The following SASH1 variants were observed in gnomAD, a reference collection of about 807,000 sequenced individuals.
SASH1 encodes SAM and SH3 domain-containing protein 1.
Under a neutral mutation model 125.2 loss-of-function variants are expected in SASH1, and 44 were observed. The observed-to-expected ratio is 0.35, with a 90% confidence interval of 0.28 to 0.45. The LOEUF is 0.45. Ranked by LOEUF, SASH1 falls within the 20% of genes least tolerant of loss-of-function variation. The pLI is 1.00. For synonymous variants in SASH1, 639 were observed against 649.1 expected (o/e 0.98, Z 0.24); for missense variants, 1,426 against 1,614.5 (o/e 0.88, Z 2.00).
intron 2 of SASH1, among the ~76,000 whole-genome samples, chr6:148,416,777 T>G (rs1319949556): frequency 6.6e-6 from 1 of 152,202 alleles, no homozygotes; most frequent in Non-Finnish European, 1.5e-5. Context: ...TGAGATTCAT[T>G]ACCATTCTTA....
At chr6:148,358,211 T>TGA (rs1782022066) in intron 1 of SASH1, among the ~76,000 whole-genome samples, 1 of 152,114 alleles carries the variant, frequency 6.6e-6, no homozygotes, top group East Asian at 1.9e-4. Context: ...TTGAGTATGT[T>TGA]CTATTTCAAG....
the SASH1 span, among the ~76,000 whole-genome samples, chr6:148,255,785 G>A: frequency 1.3e-5 from 2 of 152,072 alleles, no homozygotes; most frequent in African/African-American, 2.4e-5. Flanking sequence ...TGGGACTACA[G>A]GTGTGTGCCA....
rs569925507 is a variant in SASH1, at chr6:148,497,231, C to T, written c.729+9516C>T. On this transcript the variant is annotated intron_variant, in intron 8 of 19. Transcript: ENST00000367467. ...GGTTTTGAGAAATGCCCGTTTTGTT[C>T]CGTCTGGTTATAAGCTGCCCAGGAG... is the stretch of plus-strand genomic sequence containing the variant. 1.4e-4 allele frequency among the ~76,000 whole-genome samples: 21 copies of T among 152,292 alleles called. 1 individual carries two copies. The South Asian group carries it at 4.4e-3, about 32-fold the overall frequency.
At chr6:148,302,157 T>C (rs1475488091) in intron 1 of SASH1, among the ~76,000 whole-genome samples, 3 of 148,280 alleles carry the variant, frequency 2.0e-5, no homozygotes, top group Non-Finnish European at 3.0e-5. Flanking sequence ...CTACTAAAAA[T>C]ACAAAAAATT....
chr6:148,487,088 T>TACACACACACACAC lies in SASH1; in HGVS notation c.628-525_628-524insCACACACACACACA, dbSNP rs757099589. Among the ~76,000 whole-genome samples, 293 of 101,692 alleles carry TACACACACACACAC rather than the reference T, an allele frequency of 2.9e-3. 3 individuals carry two copies. Among genetic ancestry groups the TACACACACACACAC allele is most frequent in the African/African-American group, 0.011 (263 of 24,036 alleles). 66.7% of individuals were successfully genotyped at this position (101,692 alleles called of 152,430 possible). A position where few individuals can be genotyped will look rare whatever the true frequency, so the allele number is the denominator to read the frequency against. On this transcript the variant is annotated intron_variant, in intron 7 of 19. Coordinates refer to ENST00000367467, the MANE Select transcript of SASH1 (RefSeq NM_015278.5). Reference sequence around the variant, plus strand: ...AACAAATATATATATATAACACATATATATACACACACACACACACACACA... The same window carrying TACACACACACACAC: ...AACAAATATATATATATAACACATATACACACACACACACATATACACACACACACACACACACA...
At chr6:148,278,979 T>C (rs2128504851) in intron 1 of SASH1, among the ~76,000 whole-genome samples, 1 of 152,104 alleles carries the variant, frequency 6.6e-6, no homozygotes, top group South Asian at 2.1e-4. Flanking sequence ...AAACTCTTCA[T>C]TGAGCAAATG....
rs1347351575 is a variant in SASH1 at position 148,551,683 on chromosome 6, T to C, written c.*3125T>C. ...GTATTATTTTCAGAAAAAAATATAA[T>C]AGTCTGAGTCCAAGTTATCTTGATT... On this transcript the variant is annotated 3_prime_UTR_variant, in exon 20 of 20. Coordinates refer to ENST00000367467, the MANE Select transcript of SASH1 (RefSeq NM_015278.5). 6.6e-6 allele frequency: 1 copy of C among 152,606 alleles called. No individual in the cohort carries two copies. The highest frequency in any genetic ancestry group is 1.9e-4 in the East Asian group (1 of 5,198). 9.5% of individuals were successfully genotyped at this position (152,606 alleles called of 1,614,324 possible). A position where few individuals can be genotyped will look rare whatever the true frequency, so the allele number is the denominator to read the frequency against.
In SASH1 at chr6:148,548,768, T is replaced by A. The variant is rs1782720362; in HGVS notation, c.*210T>A. 4 of 519,590 alleles carry A rather than the reference T, an allele frequency of 7.7e-6. No individual in the cohort carries two copies. Among genetic ancestry groups the A allele is most frequent in the Non-Finnish European group, 1.3e-5 (4 of 302,684 alleles). 32.2% of individuals were successfully genotyped at this position (519,590 alleles called of 1,614,324 possible). On this transcript the variant is annotated 3_prime_UTR_variant, in exon 20 of 20. Transcript: ENST00000367467. ...AGGAAATAAATTAGTGCGGTTCTCT[T>A]TGACCCCCAAAGACAAGACAAGCAC...
chr6:148,347,577 G>T (rs937307768), intron 1 of SASH1, among the ~76,000 whole-genome samples: 1 of 152,162 alleles, frequency 6.6e-6, no homozygotes, highest in African/African-American at 2.4e-5. Context: ...GGAGATGTTA[G>T]TGAGATCCTG....
chr6:148,447,272 T>A (rs1216553208), intron 4 of SASH1, among the ~76,000 whole-genome samples: 1 of 152,162 alleles, frequency 6.6e-6, no homozygotes, highest in Non-Finnish European at 1.5e-5. Context: ...TATAGCACGA[T>A]GGAAAAGGAA....
In SASH1 at chr6:148,544,921, C is replaced by T; in HGVS notation, c.3348+103C>T. 1 of 1,168,422 alleles carries T rather than the reference C, an allele frequency of 8.6e-7. No individual in the cohort carries two copies. Among genetic ancestry groups the T allele is most frequent in the Non-Finnish European group, 1.2e-6 (1 of 846,732 alleles). The allele number at this position is 1,168,422 out of a possible 1,614,324, so 72.4% of individuals were successfully genotyped here. A position where few individuals can be genotyped will look rare whatever the true frequency, so the allele number is the denominator to read the frequency against. ...ATCTGAAGCCAGCCCGGTAGCCCGCCCAGTGGACAGGAGACACCTGAATCC... is the reference window on the plus strand; with the variant it reads ...ATCTGAAGCCAGCCCGGTAGCCCGCTCAGTGGACAGGAGACACCTGAATCC... On this transcript the variant is annotated intron_variant, in intron 18 of 19. Coordinates refer to ENST00000367467, the MANE Select transcript of SASH1 (RefSeq NM_015278.5). This position sits in a 1 kb window ranked among gnomAD's most constrained non-coding sequence, Gnocchi z 6.4.
At chr6:148,379,831 C>A (rs1783060979) in intron 1 of SASH1, 2 of 438,998 alleles carry the variant, frequency 4.6e-6, no homozygotes, top group African/African-American at 2.0e-5. Flanking sequence ...CAGATGTATA[C>A]CAAGTGGGGA....
chr6:148,249,894 G>A, the SASH1 span, among the ~76,000 whole-genome samples: 16 of 152,216 alleles, frequency 1.1e-4, no homozygotes, highest in Non-Finnish European at 4.4e-5. Flanking sequence ...ACAGTCCTAA[G>A]TGCTTTACAT....
At chr6:148,329,080 C>T (rs917687968) in intron 1 of SASH1, among the ~76,000 whole-genome samples, 1 of 152,142 alleles carries the variant, frequency 6.6e-6, no homozygotes, top group Non-Finnish European at 1.5e-5. Flanking sequence ...GCAAAATAGG[C>T]TTTTTCTTAA....
intron 1 of SASH1, among the ~76,000 whole-genome samples, chr6:148,354,526 G>A (rs1218784195): frequency 6.6e-6 from 1 of 151,802 alleles, no homozygotes; most frequent in Non-Finnish European, 1.5e-5. Flanking sequence ...CATTCAGTTA[G>A]CAGCTATTTT....
At chr6:148,308,008 T>C (rs1780188706) in intron 1 of SASH1, among the ~76,000 whole-genome samples, 1 of 152,100 alleles carries the variant, frequency 6.6e-6, no homozygotes, top group African/African-American at 2.4e-5. Context: ...GCCTGAACAC[T>C]CACAGGTTTA....
chr6:148,226,074 G>A, the SASH1 span, among the ~76,000 whole-genome samples: 1 of 152,180 alleles, frequency 6.6e-6, no homozygotes, highest in African/African-American at 2.4e-5. Context: ...ATGATTGTGG[G>A]AGAGCTCTCT....
chr6:148,346,589 A>C (rs1240581084), intron 1 of SASH1, among the ~76,000 whole-genome samples: 1 of 152,150 alleles, frequency 6.6e-6, no homozygotes, highest in Non-Finnish European at 1.5e-5. Flanking sequence ...CTGGGTGCTG[A>C]GAACATGGCT....
intron 4 of SASH1, among the ~76,000 whole-genome samples, chr6:148,454,566 T>C (rs1218204411): frequency 1.3e-5 from 2 of 152,054 alleles, no homozygotes; most frequent in Admixed American, 1.3e-4. Flanking sequence ...GAAGAAAGGG[T>C]GTGCGAAACC....
Sources: allele counts gnomAD v4.1 joint callset (sites outside exome capture counted in the v4.1 genomes callset), GRCh38; gene constraint gnomAD v4.1.1; non-coding constraint Gnocchi (gnomAD v3.1); transcripts MANE v1.5; gene names NCBI Gene and HGNC (gene_info 2026-07-23, HGNC 2026-07-21).